Variants in GRIN2A observed in about 807,000 individuals in gnomAD.
The protein encoded by GRIN2A is glutamate ionotropic receptor NMDA type subunit 2A.
A neutral mutation model predicts 113.4 loss-of-function variants in GRIN2A; 22 were observed. The ratio of observed to expected loss-of-function variants is 0.19; its 90% CI spans 0.14 to 0.28. The LOEUF is 0.28. GRIN2A is among the 10% of genes least tolerant of loss of function. The pLI, the probability that GRIN2A is intolerant of heterozygous loss-of-function variation, is 1.00. For synonymous variants in GRIN2A, 827 were observed against 738.4 expected, an observed-to-expected ratio of 1.12 and a Z score of -1.94; for missense variants, 1,502 against 1,887.0, an observed-to-expected ratio of 0.80 and a Z score of 3.78.
At chr16:10,096,732 C>T (rs995157646) in intron 2 of GRIN2A, among the ~76,000 whole-genome samples, 4 of 152,064 alleles carry the variant, frequency 2.6e-5, no homozygotes, top group African/African-American at 9.7e-5. Context: ...TTTCCCTGCC[C>T]TCCTCCTTAC....
At chr16:9,937,906 T>C (rs780491005) in intron 3 of GRIN2A, 53 bp downstream of exon 3, 5 of 1,285,436 alleles carry the variant, frequency 3.9e-6, no homozygotes, top group African/African-American at 1.5e-5. Flanking sequence ...AAGCAAACAA[T>C]GACAACAGCA....
rs540286759 is a variant in GRIN2A, at chr16:10,049,724, T to C, written c.415-111173A>G. On this transcript the variant is annotated intron_variant, in intron 2 of 12. Transcript: ENST00000330684. ...GCAGTCCTCTTCCCTCCTGATTTTT[T>C]TCCATTATACTTAGCACCCTCCAAT... Among the ~76,000 whole-genome samples, 5 of 152,290 alleles carry C rather than the reference T, an allele frequency of 3.3e-5. No individual in the cohort carries two copies. In the South Asian group the frequency reaches 1.0e-3, roughly 32 times the overall value.
At chr16:10,155,873 C>G (rs2049682922) in intron 2 of GRIN2A, among the ~76,000 whole-genome samples, 1 of 152,172 alleles carries the variant, frequency 6.6e-6, no homozygotes, top group South Asian at 2.1e-4. Flanking sequence ...ATTCAATTAC[C>G]TCCCACTGAA....
chr16:10,097,280 A>C (rs561617050), intron 2 of GRIN2A, among the ~76,000 whole-genome samples: 1 of 152,380 alleles, frequency 6.6e-6, no homozygotes, highest in East Asian at 1.9e-4. Context: ...TTTTAAAAAT[A>C]AATGTGCTTA....
chr16:10,102,627 A>ACCTTCGCCT (rs1226483334), intron 2 of GRIN2A, among the ~76,000 whole-genome samples: 1 of 151,860 alleles, frequency 6.6e-6, no homozygotes, highest in Non-Finnish European at 1.5e-5. Context: ...GCTCACTGCA[A>ACCTTCGCCT]CCTTCGCCTC....
At chr16:10,154,879 G>T (rs1274417002) in intron 2 of GRIN2A, among the ~76,000 whole-genome samples, 1 of 152,106 alleles carries the variant, frequency 6.6e-6, no homozygotes, top group Non-Finnish European at 1.5e-5. Context: ...TCAGGGCAAT[G>T]GTTTTTGTCA....
At chr16:10,119,831 A>C (rs542096157) in intron 2 of GRIN2A, among the ~76,000 whole-genome samples, 1 of 152,070 alleles carries the variant, frequency 6.6e-6, no homozygotes, top group Non-Finnish European at 1.5e-5. Context: ...AAGAACATGT[A>C]GTATTTGGTT....
At chr16:10,152,739 A>G (rs2049607926) in intron 2 of GRIN2A, among the ~76,000 whole-genome samples, 1 of 152,224 alleles carries the variant, frequency 6.6e-6, no homozygotes. Context: ...TCCAGACAAT[A>G]GAATATTATT....
intron 2 of GRIN2A, among the ~76,000 whole-genome samples, chr16:9,994,972 G>A (rs940434253): frequency 6.6e-6 from 1 of 152,206 alleles, no homozygotes; most frequent in Non-Finnish European, 1.5e-5. Context: ...AGGGAGGGGA[G>A]GGGCTCTTGG....
In GRIN2A at chr16:9,760,307, T is replaced by G. The variant is rs1021922809; in HGVS notation, c.*2842A>C. On this transcript the variant is annotated 3_prime_UTR_variant, in exon 13 of 13. Transcript: ENST00000330684. ...GATATTCTTTTTGCAAAGACTGAAC[T>G]GACTTAGATGACCTTTGAATAACTC... 1.8e-5 allele frequency: 4 copies of G among 224,978 alleles called. No individual in the cohort carries two copies. Among genetic ancestry groups the G allele is most frequent in the Non-Finnish European group, 3.5e-5 (4 of 113,152 alleles). 13.9% of individuals were successfully genotyped at this position (224,978 alleles called of 1,614,324 possible).
intron 12 of GRIN2A, among the ~76,000 whole-genome samples, chr16:9,767,952 G>A (rs1382549467): frequency 1.3e-5 from 2 of 152,230 alleles, no homozygotes; most frequent in Non-Finnish European, 2.9e-5. Flanking sequence ...GTAACATCTT[G>A]CATAGCAGCA....
intron 2 of GRIN2A, chr16:10,037,129 G>C (rs551140319): frequency 6.6e-6 from 1 of 152,262 alleles, no homozygotes; most frequent in African/African-American, 2.4e-5. Flanking sequence ...GGCTACCAGA[G>C]AGTTCCGCCT....
At chr16:9,780,097 CT>C (rs1901853989) in intron 11 of GRIN2A, among the ~76,000 whole-genome samples, 1 of 152,234 alleles carries the variant, frequency 6.6e-6, no homozygotes, top group Non-Finnish European at 1.5e-5. Flanking sequence ...CACAAGCCAG[CT>C]TTACCTCTTA....
chr16:10,169,729 T>C (rs959017793), intron 2 of GRIN2A, among the ~76,000 whole-genome samples: 1 of 152,218 alleles, frequency 6.6e-6, no homozygotes, highest in Admixed American at 6.5e-5. Context: ...ATGTCTTTAA[T>C]GGTTTAAGAC....
intron 9 of GRIN2A, among the ~76,000 whole-genome samples, chr16:9,824,473 C>T (rs896461884): frequency 2.6e-5 from 4 of 152,210 alleles, no homozygotes; most frequent in Admixed American, 6.5e-5. Context: ...CTTCACTCCC[C>T]GTCTGTTGCA....
At chr16:10,152,485 T>C (rs576081386) in intron 2 of GRIN2A, among the ~76,000 whole-genome samples, 28 of 152,332 alleles carry the variant, frequency 1.8e-4, no homozygotes, top group South Asian at 1.0e-3. Flanking sequence ...ATTGAAATTC[T>C]ATACATCCAC....
chr16:9,991,824 C>T (rs2046119731), intron 2 of GRIN2A, among the ~76,000 whole-genome samples: 1 of 152,176 alleles, frequency 6.6e-6, no homozygotes, highest in Non-Finnish European at 1.5e-5. Flanking sequence ...ACCACATGTT[C>T]TTACTCATAA....
chr16:10,077,228 G>A (rs1433569487), intron 2 of GRIN2A, among the ~76,000 whole-genome samples: 2 of 152,200 alleles, frequency 1.3e-5, no homozygotes, highest in Non-Finnish European at 2.9e-5. Flanking sequence ...AGATGTGGGT[G>A]ACCAGTAGGA....
intron 4 of GRIN2A, among the ~76,000 whole-genome samples, chr16:9,851,915 A>T (rs932157327): frequency 6.6e-6 from 1 of 152,242 alleles, no homozygotes; most frequent in African/African-American, 2.4e-5. Flanking sequence ...CTATTATTTT[A>T]CTATTGTTGT....
Sources: gnomAD v4.1 joint callset for allele counts (sites outside exome capture counted in the v4.1 genomes callset) on GRCh38, gnomAD v4.1.1 for gene constraint, MANE v1.5 for transcripts, NCBI Gene and HGNC (gene_info 2026-07-23, HGNC 2026-07-21) for gene names.